Variants in SPEF2 observed in about 807,000 individuals in gnomAD.
The protein encoded by SPEF2 is sperm flagellar and cilia associated 2.
A neutral mutation model predicts 224.6 loss-of-function variants in SPEF2; 187 were observed. The ratio of observed to expected loss-of-function variants is 0.83; its 90% CI spans 0.74 to 0.94. The LOEUF (loss-of-function observed/expected upper bound fraction) is 0.94. Ranked by LOEUF, SPEF2 falls within the 40% of genes least tolerant of loss-of-function variation. The pLI, the probability that SPEF2 is intolerant of heterozygous loss-of-function variation, is 0.00. For synonymous variants in SPEF2, 715 were observed against 707.3 expected, an observed-to-expected ratio of 1.01 and a Z score of -0.17; for missense variants, 2,170 against 2,135.6, an observed-to-expected ratio of 1.02 and a Z score of -0.32.
chr5:35,645,324 C>G (rs1422828532), intron 4 of SPEF2, among the ~76,000 whole-genome samples: 7 of 152,128 alleles, frequency 4.6e-5, no homozygotes, highest in African/African-American at 1.7e-4. Context: ...GGGAAGATGA[C>G]AGACAAACTG....
Position 35,764,159 on chromosome 5 carries a change from A to C in SPEF2, c.3801+457A>C, listed in dbSNP as rs575176944. ...AAAACTACTAATTTTAACATGTAAG[A>C]AATGAAATAAAAATTTTTAAAAAAT... On this transcript the variant is annotated intron_variant, in intron 26 of 36. Transcript: ENST00000356031. 7.2e-5 allele frequency among the ~76,000 whole-genome samples: 11 copies of C among 152,344 alleles called. No individual in the cohort carries two copies. In the South Asian group the frequency reaches 2.3e-3, roughly 32 times the overall value.
chr5:35,789,126 A>T (rs529650505), intron 30 of SPEF2: 177 of 699,296 alleles, frequency 2.5e-4, no homozygotes, highest in Non-Finnish European at 3.8e-4. Context: ...TGGGAAAGAT[A>T]ACCACTATGT....
intron 8 of SPEF2, among the ~76,000 whole-genome samples, chr5:35,661,451 G>T (rs1048677936): frequency 1.3e-5 from 2 of 150,458 alleles, no homozygotes; most frequent in Non-Finnish European, 1.5e-5. Context: ...AAGTTCAGGG[G>T]TATAAGTGCA....
chr5:35,813,751 ACAGT>A (rs1205845989), intron 36 of SPEF2, among the ~76,000 whole-genome samples: 1 of 152,166 alleles, frequency 6.6e-6, no homozygotes, highest in Non-Finnish European at 1.5e-5. Flanking sequence ...TAAAATGATC[ACAGT>A]CAAATTGAAG....
At chr5:35,770,371 A>G (rs1752662489) in intron 26 of SPEF2, among the ~76,000 whole-genome samples, 1 of 151,940 alleles carries the variant, frequency 6.6e-6, no homozygotes, top group South Asian at 2.1e-4. Flanking sequence ...TTGAAAATTT[A>G]CTCTTTTAGC....
chr5:35,711,978 T>A (rs1391187755), intron 19 of SPEF2, among the ~76,000 whole-genome samples: 1 of 152,098 alleles, frequency 6.6e-6, no homozygotes, highest in African/African-American at 2.4e-5. Flanking sequence ...GAATTTTTTT[T>A]AAAGGAACAA....
chr5:35,767,296 T>C (rs1018780361), intron 26 of SPEF2, among the ~76,000 whole-genome samples: 2 of 152,032 alleles, frequency 1.3e-5, no homozygotes, highest in Non-Finnish European at 2.9e-5. Context: ...GTATATATAG[T>C]GCTTTTGTTT....
intron 24 of SPEF2, among the ~76,000 whole-genome samples, chr5:35,757,197 C>T (rs1410420412): frequency 6.7e-6 from 1 of 150,218 alleles, no homozygotes; most frequent in Admixed American, 6.6e-5. Flanking sequence ...ATTGATTCTG[C>T]CTTTATGAAA....
chr5:35,754,503 G>A (rs1580598639), intron 24 of SPEF2, among the ~76,000 whole-genome samples: 1 of 152,200 alleles, frequency 6.6e-6, no homozygotes, highest in East Asian at 1.9e-4. Flanking sequence ...TTGAAGCAAT[G>A]CACCTAGTGA....
rs536925554 is a variant in SPEF2, at chr5:35,731,304, A to G, written c.3063+3481A>G. On this transcript the variant is annotated intron_variant, in intron 21 of 36. Transcript: ENST00000356031. ...ATACAGAATCAGTCATGAAGTCAAT[A>G]TTTATTTAGAACTGATTTGTATTCA... is the stretch of plus-strand genomic sequence containing the variant. 2.3e-4 allele frequency among the ~76,000 whole-genome samples: 35 copies of G among 152,362 alleles called. 1 individual carries two copies. Among genetic ancestry groups the G allele is most frequent in the African/African-American group, 8.2e-4 (34 of 41,590 alleles).
In SPEF2 at chr5:35,670,072, A is replaced by G; in HGVS notation, c.1369A>G (p.Lys457Glu). 6.2e-7 allele frequency: 1 copy of G among 1,603,896 alleles called. No individual in the cohort carries two copies. Residue 457 changes from lysine (K) to glutamate (E), a missense_variant, in exon 10 of 37, where the codon AAG becomes GAG. Transcript: ENST00000356031. The stretch of plus-strand genomic sequence containing the variant: ...TTTGTGCGATAGTCTGATTCCGTAT[A>G]AGTTGATGCATGATTGGAAGGAACT... Reference protein sequence around the residue: ...RMLTNNLIPYKLMHDWKELFF... With the variant: ...RMLTNNLIPYELMHDWKELFF...
At position 35,721,662 on chromosome 5, in the gene SPEF2, G is replaced by T. The variant is rs376493749; in HGVS notation, c.2915-6013G>T. On this transcript the variant is annotated intron_variant, in intron 20 of 36. Coordinates refer to ENST00000356031, the MANE Select transcript of SPEF2 (RefSeq NM_024867.4). The stretch of plus-strand genomic sequence containing the variant: ...CAGCTTTTAACTTGCCTTAAAAAAA[G>T]TATTTGATCCAAGTGCTTGTCTTTC... Among the ~76,000 whole-genome samples, 5 of 152,302 alleles carry T rather than the reference G, an allele frequency of 3.3e-5. No individual in the cohort carries two copies. In the East Asian group the frequency reaches 5.8e-4, roughly 18 times the overall value.
intron 5 of SPEF2, among the ~76,000 whole-genome samples, chr5:35,648,590 T>C (rs2149421264): frequency 6.6e-6 from 1 of 152,142 alleles, no homozygotes; most frequent in African/African-American, 2.4e-5. Context: ...CCTCCCAGAG[T>C]GCTGGGATTA....
At chr5:35,623,540 A>C (rs1743810097) in intron 1 of SPEF2, among the ~76,000 whole-genome samples, 1 of 152,214 alleles carries the variant, frequency 6.6e-6, no homozygotes, top group Non-Finnish European at 1.5e-5. Context: ...CTGACCAGAA[A>C]TGCCATAAGG....
chr5:35,802,504 G>A (rs987575510), intron 34 of SPEF2, among the ~76,000 whole-genome samples: 3 of 151,870 alleles, frequency 2.0e-5, no homozygotes, highest in African/African-American at 2.4e-5. Context: ...AGACTACATC[G>A]AATGGTGATA....
intron 36 of SPEF2, among the ~76,000 whole-genome samples, chr5:35,807,476 G>T (rs1015828662): frequency 1.3e-5 from 2 of 152,170 alleles, no homozygotes; most frequent in East Asian, 3.8e-4. Context: ...GGTAGTTAAA[G>T]CTGGGTGGGT....
At chr5:35,813,190 A>G (rs1029947914) in intron 36 of SPEF2, among the ~76,000 whole-genome samples, 1 of 152,182 alleles carries the variant, frequency 6.6e-6, no homozygotes, top group African/African-American at 2.4e-5. Context: ...TAAAGAAGAC[A>G]TGTTATTAGG....
rs1217808991 is a variant in SPEF2 at position 35,663,583 on chromosome 5, C to T, written c.1168-3489C>T. Among the ~76,000 whole-genome samples the T allele has an allele frequency of 6.6e-5, 10 of 152,232 alleles. No individual in the cohort carries two copies. In the East Asian group the frequency reaches 1.5e-3, roughly 24 times the overall value. ...TTTCATGTATTAAATTTCTCTTCAT[C>T]GTGTCCATTTTCCTCCATGTCTACA... On this transcript the variant is annotated intron_variant, in intron 8 of 36. Coordinates refer to ENST00000356031, the MANE Select transcript of SPEF2 (RefSeq NM_024867.4).
At chr5:35,740,745 G>A (rs1747471543) in intron 23 of SPEF2, among the ~76,000 whole-genome samples, 1 of 152,072 alleles carries the variant, frequency 6.6e-6, no homozygotes, top group African/African-American at 2.4e-5. Context: ...CACAATTCCT[G>A]GTAGTGCCCC....
Sources: gnomAD v4.1 joint callset for allele counts (sites outside exome capture counted in the v4.1 genomes callset) on GRCh38, gnomAD v4.1.1 for gene constraint, MANE v1.5 for transcripts, NCBI Gene and HGNC (gene_info 2026-07-23, HGNC 2026-07-21) for gene names.